The following RPS6KC1 variants were observed in gnomAD, a reference collection of about 807,000 sequenced individuals.
RPS6KC1 encodes the protein inactive ribosomal protein S6 kinase delta-1.
RPS6KC1 carries 54 observed loss-of-function variants against 103.8 expected under a neutral mutation model. That is an observed-to-expected ratio of 0.52 (90% CI 0.42 to 0.65). The LOEUF (loss-of-function observed/expected upper bound fraction) is 0.65, where lower values mean the gene tolerates loss of function less well. RPS6KC1 is among the 30% of genes least tolerant of loss of function. RPS6KC1 has a pLI of 0.00. For missense variants in RPS6KC1, 1,151 were observed against 1,253.8 expected, an observed-to-expected ratio of 0.92 and a Z score of 1.24; for synonymous variants, 439 against 438.7, an observed-to-expected ratio of 1.00 and a Z score of -0.01.
At chr1:213,409,779 A>G in the RPS6KC1 span, among the ~76,000 whole-genome samples, 6 of 152,214 alleles carry the variant, frequency 3.9e-5, no homozygotes, top group Admixed American at 3.9e-4. Flanking sequence ...TGAAATATAT[A>G]AAGTTGAATT....
At chr1:213,121,681 C>T (rs1437705822) in intron 5 of RPS6KC1, among the ~76,000 whole-genome samples, 1 of 150,218 alleles carries the variant, frequency 6.7e-6, no homozygotes, top group Non-Finnish European at 1.5e-5. Context: ...GCCATGCTGG[C>T]CTTGATATCA....
the RPS6KC1 span, among the ~76,000 whole-genome samples, chr1:213,514,792 G>A: frequency 6.6e-6 from 1 of 152,178 alleles, no homozygotes; most frequent in African/African-American, 2.4e-5. Context: ...CTAGATCCCT[G>A]AGGAATCGCC....
the RPS6KC1 span, among the ~76,000 whole-genome samples, chr1:213,389,705 G>A: frequency 6.6e-6 from 1 of 152,122 alleles, no homozygotes; most frequent in African/African-American, 2.4e-5. Flanking sequence ...CCAAGAAGAC[G>A]AAAGAGAAAA....
chr1:213,755,531 T>TGG, the RPS6KC1 span, among the ~76,000 whole-genome samples: 1 of 151,880 alleles, frequency 6.6e-6, no homozygotes. Context: ...ATGGTGAGAG[T>TGG]CATGCAGTGT....
the RPS6KC1 span, among the ~76,000 whole-genome samples, chr1:213,723,942 G>A: frequency 3.1e-4 from 46 of 148,202 alleles, no homozygotes; most frequent in African/African-American, 1.1e-3. Flanking sequence ...TGGTTGGGGG[G>A]TTGGGGGGGA....
intron 6 of RPS6KC1, among the ~76,000 whole-genome samples, chr1:213,143,434 TTC>T (rs2147781628): frequency 6.6e-6 from 1 of 152,114 alleles, no homozygotes; most frequent in Admixed American, 6.6e-5. Flanking sequence ...TATTTTGCTG[TTC>T]TGTGTTTTCT....
At chr1:213,352,606 T>C in the RPS6KC1 span, among the ~76,000 whole-genome samples, 4 of 152,208 alleles carry the variant, frequency 2.6e-5, no homozygotes, top group Admixed American at 1.3e-4. Flanking sequence ...AGATAGGCTC[T>C]TTGAAGCTTC....
the RPS6KC1 span, among the ~76,000 whole-genome samples, chr1:213,848,490 A>G: frequency 3.9e-5 from 6 of 152,134 alleles, no homozygotes; most frequent in African/African-American, 7.2e-5. Flanking sequence ...TCTTTACTAT[A>G]TACACATATA....
At chr1:213,494,028 A>G in the RPS6KC1 span, among the ~76,000 whole-genome samples, 38,459 of 151,996 alleles carry the variant, frequency 0.25, 5,613 homozygotes, top group Middle Eastern at 0.38. Context: ...TAGGTAAACA[A>G]GCCTTCCAAG....
At chr1:213,298,548 C>T in the RPS6KC1 span, among the ~76,000 whole-genome samples, 6 of 151,990 alleles carry the variant, frequency 3.9e-5, no homozygotes, top group African/African-American at 1.4e-4. Flanking sequence ...TTTTTTTGAG[C>T]ATTTCTGTTA....
At chr1:213,792,753 T>C in the RPS6KC1 span, among the ~76,000 whole-genome samples, 1 of 152,156 alleles carries the variant, frequency 6.6e-6, no homozygotes, top group African/African-American at 2.4e-5. Context: ...TTTCAACTTA[T>C]AGATAGCCTA....
chr1:213,827,373 T>C, the RPS6KC1 span, among the ~76,000 whole-genome samples: 2 of 152,180 alleles, frequency 1.3e-5, no homozygotes, highest in African/African-American at 2.4e-5. Context: ...GCTGTGGCCT[T>C]GCTCCTGGGC....
chr1:213,499,270 A>G, the RPS6KC1 span, among the ~76,000 whole-genome samples: 1 of 152,198 alleles, frequency 6.6e-6, no homozygotes, highest in Non-Finnish European at 1.5e-5. Flanking sequence ...TGATCATCAT[A>G]TTCATGTCAC....
intron 7 of RPS6KC1, 146 bp downstream of exon 7, chr1:213,168,119 G>A (rs2091159912): frequency 5.6e-6 from 3 of 534,512 alleles, no homozygotes; most frequent in Admixed American, 7.2e-5. Flanking sequence ...AGAAAGAAAT[G>A]CATTATAGCA....
At chr1:213,109,722 T>G (rs987993063) in intron 4 of RPS6KC1, among the ~76,000 whole-genome samples, 1 of 152,206 alleles carries the variant, frequency 6.6e-6, no homozygotes, top group African/African-American at 2.4e-5. Flanking sequence ...GTTGTTCCCC[T>G]TTTGGCTATT....
At chr1:213,804,841 C>T in the RPS6KC1 span, among the ~76,000 whole-genome samples, 1 of 152,182 alleles carries the variant, frequency 6.6e-6, no homozygotes, top group Non-Finnish European at 1.5e-5. Context: ...ATTCTGTGAA[C>T]ACTCGAGTGA....
At chr1:213,790,464 T>A in the RPS6KC1 span, among the ~76,000 whole-genome samples, 4 of 152,232 alleles carry the variant, frequency 2.6e-5, no homozygotes, top group South Asian at 8.3e-4. Flanking sequence ...GAAAAAACTA[T>A]GGTATTTTGT....
chr1:213,624,001 G>T, the RPS6KC1 span, among the ~76,000 whole-genome samples: 1 of 152,234 alleles, frequency 6.6e-6, no homozygotes, highest in African/African-American at 2.4e-5. Context: ...GCAGCATTGT[G>T]TGTGGAGGGG....
At chr1:213,732,361 G>A in the RPS6KC1 span, among the ~76,000 whole-genome samples, 5 of 136,404 alleles carry the variant, frequency 3.7e-5, no homozygotes, top group Admixed American at 6.9e-5. Context: ...GTGCGTGTGC[G>A]TGTGTGTGTG....
Sources: gnomAD v4.1 joint callset for allele counts (sites outside exome capture counted in the v4.1 genomes callset) on GRCh38, gnomAD v4.1.1 for gene constraint, MANE v1.5 for transcripts, NCBI Gene and HGNC (gene_info 2026-07-23, HGNC 2026-07-21) for gene names.